Variants in EVC observed in about 807,000 individuals in gnomAD.
The protein encoded by EVC is evC complex member EVC.
A neutral mutation model predicts 118.9 loss-of-function variants in EVC; 116 were observed. That is an observed-to-expected ratio of 0.98 (90% CI 0.84 to 1.14). The LOEUF (loss-of-function observed/expected upper bound fraction) is 1.14, where lower values mean the gene tolerates loss of function less well. Among genes scored for constraint, EVC ranks in the 50% most tolerant of loss-of-function variants. EVC has a pLI of 0.00. For missense variants in EVC, 1,401 were observed against 1,246.4 expected (o/e 1.12, Z -1.87); for synonymous variants, 619 against 534.7 (o/e 1.16, Z -2.18).
chr4:5,777,063 C>T (rs538610485), intron 11 of EVC, among the ~76,000 whole-genome samples: 3 of 151,770 alleles, frequency 2.0e-5, no homozygotes, highest in South Asian at 2.1e-4. Context: ...ATCATGTTAC[C>T]TTATCTCCTC....
chr4:5,771,714 C>T (rs771780981), intron 11 of EVC, among the ~76,000 whole-genome samples: 51 of 152,272 alleles, frequency 3.3e-4, no homozygotes, highest in African/African-American at 4.3e-4. Context: ...ACCTCCCCGT[C>T]GCCGGGAAGC....
intron 11 of EVC, chr4:5,758,028 G>C: frequency 1.4e-6 from 1 of 701,400 alleles, no homozygotes; most frequent in Non-Finnish European, 2.6e-6. Flanking sequence ...CAGTTGGTTA[G>C]GTCCTACTGG....
At position 5,776,954 on chromosome 4, in the gene EVC, T is replaced by C. The variant is rs185124650; in HGVS notation, c.1564-6598T>C. Among the ~76,000 whole-genome samples the C allele has an allele frequency of 1.9e-3, 284 of 152,308 alleles. 3 individuals carry two copies. Among genetic ancestry groups the C allele is most frequent in the African/African-American group, 6.6e-3 (273 of 41,550 alleles). On this transcript the variant is annotated intron_variant, in intron 11 of 20. Transcript: ENST00000264956. Reference sequence around the variant, plus strand: ...TTCATGAGCATAGTAAGCATTGATATTTTAAAGACCATGTCTTGTAATTAC... The same window carrying C: ...TTCATGAGCATAGTAAGCATTGATACTTTAAAGACCATGTCTTGTAATTAC...
At chr4:5,827,247 T>C in the EVC span, among the ~76,000 whole-genome samples, 1 of 152,078 alleles carries the variant, frequency 6.6e-6, no homozygotes, top group Non-Finnish European at 1.5e-5. Flanking sequence ...AGCCAAGGGG[T>C]GTGTCTGCCT....
In EVC at chr4:5,734,809, C is replaced by T. The variant is rs1054624558; in HGVS notation, c.702+1374C>T. On this transcript the variant is annotated intron_variant, in intron 5 of 20. Coordinates refer to ENST00000264956, the MANE Select transcript of EVC (RefSeq NM_153717.3). ...AGAACTAGAGCATGGCCCTTCACCCCCTCTATCCCCAGCCCCATGGAGGTC... is the reference window on the plus strand; with the variant it reads ...AGAACTAGAGCATGGCCCTTCACCCTCTCTATCCCCAGCCCCATGGAGGTC... 4.6e-5 allele frequency among the ~76,000 whole-genome samples: 7 copies of T among 152,310 alleles called. 1 individual carries two copies. In the South Asian group the frequency reaches 1.0e-3, roughly 23 times the overall value.
intron 2 of EVC, among the ~76,000 whole-genome samples, chr4:5,724,988 G>A (rs1725585958): frequency 6.6e-6 from 1 of 152,034 alleles, no homozygotes; most frequent in Non-Finnish European, 1.5e-5. Flanking sequence ...TTGGTTTTCT[G>A]TTCCTGTGTT....
At position 5,746,355 on chromosome 4, in the gene EVC, T is replaced by C. The variant is rs1250809571; in HGVS notation, c.939+1014T>C. On this transcript the variant is annotated intron_variant, in intron 7 of 20. Coordinates refer to ENST00000264956, the MANE Select transcript of EVC (RefSeq NM_153717.3). The surrounding 1 kb of genome is among the most constrained non-coding windows in gnomAD (Gnocchi z 5.8). ...TAGGATGGAGAGGTGAGGAAACGTG[T>C]GAGAGAAGCTGTGGTGGTCTACCAT... Among the ~76,000 whole-genome samples, 2 of 151,900 alleles carry C rather than the reference T, an allele frequency of 1.3e-5. No homozygotes were observed. Among genetic ancestry groups the C allele is most frequent in the African/African-American group, 4.8e-5 (2 of 41,350 alleles).
chr4:5,760,510 A>G (rs1420869754), intron 11 of EVC, among the ~76,000 whole-genome samples: 1 of 152,040 alleles, frequency 6.6e-6, no homozygotes, highest in Non-Finnish European at 1.5e-5. Flanking sequence ...GACACAGTGG[A>G]GATGGGTGTG....
Position 5,813,198 on chromosome 4 carries a change from G to C in EVC, c.*2161G>C, listed in dbSNP as rs1359692542. The stretch of plus-strand genomic sequence containing the variant: ...AGTTGTGCAAAGCTATGGCTTCCTT[G>C]GTGCAATATTCTTAAAACCTGCTTT... On this transcript the variant is annotated 3_prime_UTR_variant, in exon 21 of 21. Transcript: ENST00000264956. The C allele has an allele frequency of 2.0e-5, 3 of 152,088 alleles. No homozygotes were observed. The highest frequency in any genetic ancestry group is 4.4e-5 in the Non-Finnish European group (3 of 68,016). 9.4% of individuals were successfully genotyped at this position (152,088 alleles called of 1,614,324 possible). A position where few individuals can be genotyped will look rare whatever the true frequency, so the allele number is the denominator to read the frequency against.
chr4:5,783,816 G>T (rs779717543), intron 12 of EVC, 52 bp downstream of exon 12: 2 of 1,504,690 alleles, frequency 1.3e-6, no homozygotes, highest in Non-Finnish European at 1.8e-6. Context: ...AGAAACACAC[G>T]AAGAAGCGTG....
chr4:5,765,756 G>A (rs1732769200), intron 11 of EVC, among the ~76,000 whole-genome samples: 1 of 147,860 alleles, frequency 6.8e-6, no homozygotes, highest in African/African-American at 2.5e-5. Context: ...CATTTGCTTG[G>A]TAGCTCTTCC....
the EVC span, chr4:5,825,702 T>C: frequency 1.9e-6 from 3 of 1,597,994 alleles, no homozygotes; most frequent in Admixed American, 1.7e-5. The surrounding 1 kb of genome is among the most constrained non-coding windows in gnomAD (Gnocchi z 4.4). Flanking sequence ...ACACTGTGCA[T>C]GTGTGCCCTT....
downstream of EVC, among the ~76,000 whole-genome samples, chr4:5,818,575 T>C: frequency 6.6e-6 from 1 of 152,152 alleles, no homozygotes; most frequent in East Asian, 1.9e-4. Flanking sequence ...CATAGATTAA[T>C]GTATCAGTGA....
In EVC at chr4:5,754,167, AG is replaced by A. The variant is rs986534842; in HGVS notation, c.1464+239del. Among the ~76,000 whole-genome samples the A allele has an allele frequency of 8.5e-5, 13 of 152,054 alleles. No homozygotes were observed. Among genetic ancestry groups the A allele is most frequent in the African/African-American group, 3.1e-4 (13 of 41,392 alleles). On this transcript the variant is annotated intron_variant, in intron 10 of 20. Coordinates refer to ENST00000264956, the MANE Select transcript of EVC (RefSeq NM_153717.3). This position sits in a 1 kb window ranked among gnomAD's most constrained non-coding sequence, Gnocchi z 5.8. ...CCCTCACTGGGCTGCTGAGAAGAGG[AG>A]GGGGTAGGATCCGTAGAGAGCTTGG...
At chr4:5,732,302 C>A (rs892844060) in intron 4 of EVC, among the ~76,000 whole-genome samples, 2 of 152,170 alleles carry the variant, frequency 1.3e-5, no homozygotes, top group Non-Finnish European at 2.9e-5. Context: ...TCCAAAATTC[C>A]GCTGAGTCCA....
intron 12 of EVC, among the ~76,000 whole-genome samples, chr4:5,787,837 C>G (rs1466116917): frequency 1.3e-5 from 2 of 152,108 alleles, no homozygotes; most frequent in Non-Finnish European, 2.9e-5. Flanking sequence ...GCTCTGCACC[C>G]CACTCCGGGT....
chr4:5,765,805 G>A (rs1404439561), intron 11 of EVC, among the ~76,000 whole-genome samples: 3 of 150,394 alleles, frequency 2.0e-5, no homozygotes, highest in South Asian at 2.1e-4. Flanking sequence ...GTGTCTGCAC[G>A]TGAGATGGGT....
At chr4:5,726,225 A>G (rs1007475320) in intron 2 of EVC, among the ~76,000 whole-genome samples, 5 of 152,240 alleles carry the variant, frequency 3.3e-5, no homozygotes, top group East Asian at 3.8e-4. Flanking sequence ...AACTGGATTG[A>G]CACAGATGCA....
At position 5,798,606 on chromosome 4, in the gene EVC, G is replaced by A. The variant is rs1174656930; in HGVS notation, c.2118G>A (p.Glu706=). The A allele has an allele frequency of 6.4e-7, 1 of 1,574,100 alleles. No individual in the cohort carries two copies. The highest frequency in any genetic ancestry group is 1.2e-5 in the South Asian group (1 of 85,672). ...LRALEARVLE[E]ASRLEEEAQQ... ...CCCAGGAGGCGCGTGTGCTGGAGGA[G>A]GCCAGCCGGCTAGAGGAGGAAGCAC... The change falls in exon 15 of 21, where the codon GAG becomes GAA. Residue 706 remains glutamate, a synonymous_variant. Transcript: ENST00000264956. The surrounding 1 kb of genome is among the most constrained non-coding windows in gnomAD (Gnocchi z 4.1).
Sources: allele counts gnomAD v4.1 joint callset (sites outside exome capture counted in the v4.1 genomes callset), GRCh38; gene constraint gnomAD v4.1.1; non-coding constraint Gnocchi (gnomAD v3.1); transcripts MANE v1.5; gene names NCBI Gene and HGNC (gene_info 2026-07-23, HGNC 2026-07-21).